The following IL1RAPL1 variants were observed in gnomAD, a reference collection of about 807,000 sequenced individuals.
The protein encoded by IL1RAPL1 is interleukin 1 receptor accessory protein like 1, also known as interleukin-1 receptor accessory protein-like 1.
IL1RAPL1 carries 3 observed loss-of-function variants against 48.4 expected under a neutral mutation model. That is an observed-to-expected ratio of 0.06 (90% CI 0.03 to 0.16). The LOEUF (loss-of-function observed/expected upper bound fraction) is 0.16. Ranked by LOEUF, IL1RAPL1 falls within the 10% of genes least tolerant of loss-of-function variation. The pLI is 1.00. For synonymous variants in IL1RAPL1, 185 were observed against 187.7 expected, an observed-to-expected ratio of 0.99 and a Z score of 0.12; for missense variants, 349 against 530.6, an observed-to-expected ratio of 0.66 and a Z score of 3.36.
chrX:29,460,956 T>A (rs1386212410), intron 5 of IL1RAPL1, among the ~76,000 whole-genome samples: 1 of 111,361 alleles, frequency 9.0e-6, no homozygotes, highest in Non-Finnish European at 1.9e-5. Context: ...ATTAAACACT[T>A]TTTTTTTCTT....
chrX:28,925,918 T>TCA (rs907400523), intron 2 of IL1RAPL1, among the ~76,000 whole-genome samples: 3 of 111,236 alleles, frequency 2.7e-5, no homozygotes, highest in African/African-American at 3.3e-5. Context: ...AGACTCTGTC[T>TCA]CACACACACA....
rs927290849 is a variant in IL1RAPL1, at chrX:29,544,455, G to A, written c.704-123975G>A. ...GTGTGTATCTGTGTGCATATAAATG[G>A]TAGAAGAGATGGCATGGAGCAGTAA... On this transcript the variant is annotated intron_variant, in intron 5 of 10. Transcript: ENST00000378993. Among the ~76,000 whole-genome samples the A allele has an allele frequency of 4.5e-5, 5 of 111,517 alleles. No individual in the cohort carries two copies. In the East Asian group the frequency reaches 1.1e-3, roughly 25 times the overall value.
intron 2 of IL1RAPL1, among the ~76,000 whole-genome samples, chrX:29,013,214 A>T (rs1416641280): frequency 9.5e-6 from 1 of 105,534 alleles, no homozygotes; most frequent in East Asian, 3.0e-4. Flanking sequence ...AAAAAAAAAC[A>T]ATAGATGCTA....
rs192796181 is a variant in IL1RAPL1 at position 29,044,435 on chromosome X, A to G, written c.83-238503A>G. 4.6e-3 allele frequency among the ~76,000 whole-genome samples: 507 copies of G among 109,877 alleles called. 2 individuals are homozygous for G. Among genetic ancestry groups the G allele is most frequent in the Non-Finnish European group, 6.9e-3 (364 of 52,697 alleles). Reference sequence around the variant, plus strand: ...ACAGAGTGAGACTCCGTCTCTAAACAAATAAATAAATAAATAAATAAAAAG... The same window carrying G: ...ACAGAGTGAGACTCCGTCTCTAAACGAATAAATAAATAAATAAATAAAAAG... On this transcript the variant is annotated intron_variant, in intron 2 of 10. Coordinates refer to ENST00000378993, the MANE Select transcript of IL1RAPL1 (RefSeq NM_014271.4).
At chrX:28,871,182 A>C (rs1922199067) in intron 2 of IL1RAPL1, among the ~76,000 whole-genome samples, 1 of 112,180 alleles carries the variant, frequency 8.9e-6, no homozygotes, top group Non-Finnish European at 1.9e-5. Context: ...GATTCTCTTC[A>C]GAGTGAATAG....
chrX:29,419,472 C>CA (rs1319165666), intron 5 of IL1RAPL1, among the ~76,000 whole-genome samples: 1 of 110,238 alleles, frequency 9.1e-6, no homozygotes, highest in Non-Finnish European at 1.9e-5. Context: ...AGGTGCCCAC[C>CA]ACCAGGCCTG....
At chrX:28,649,730 A>G (rs1433660552) in intron 1 of IL1RAPL1, among the ~76,000 whole-genome samples, 3 of 112,461 alleles carry the variant, frequency 2.7e-5, no homozygotes, top group Admixed American at 9.4e-5. Flanking sequence ...ACTCCTTGGC[A>G]GTGATCTGGT....
intron 2 of IL1RAPL1, among the ~76,000 whole-genome samples, chrX:28,832,433 A>C (rs1414771612): frequency 3.6e-5 from 4 of 111,186 alleles, no homozygotes; most frequent in Non-Finnish European, 5.7e-5. Flanking sequence ...CAGTCCCCCA[A>C]ATTCTCTTTT....
At chrX:28,896,495 T>C (rs1369880463) in intron 2 of IL1RAPL1, among the ~76,000 whole-genome samples, 5 of 111,393 alleles carry the variant, frequency 4.5e-5, no homozygotes, top group African/African-American at 1.6e-4. Context: ...GCATTAGCCT[T>C]GACTATGCCT....
chrX:29,535,551 G>T (rs1004428986), intron 5 of IL1RAPL1, among the ~76,000 whole-genome samples: 5 of 111,555 alleles, frequency 4.5e-5, no homozygotes, highest in Non-Finnish European at 9.4e-5. Context: ...GTAAATTGTT[G>T]GAAATTTTCC....
chrX:29,514,687 G>A (rs1007141260), intron 5 of IL1RAPL1, among the ~76,000 whole-genome samples: 2 of 112,541 alleles, frequency 1.8e-5, no homozygotes, highest in Non-Finnish European at 3.8e-5. Context: ...GACCTTGAGT[G>A]ATCCGCCTGC....
At chrX:28,641,062 ATT>A (rs1208619188) in intron 1 of IL1RAPL1, among the ~76,000 whole-genome samples, 2 of 101,437 alleles carry the variant, frequency 2.0e-5, no homozygotes, top group East Asian at 6.2e-4. Flanking sequence ...GAAATGTAGG[ATT>A]TTTTTTTTTT....
chrX:29,715,087 CTGTT>C (rs1927446245), intron 6 of IL1RAPL1, among the ~76,000 whole-genome samples: 1 of 111,641 alleles, frequency 9.0e-6, no homozygotes, highest in African/African-American at 3.2e-5. Flanking sequence ...CTTTTGTTGA[CTGTT>C]TGTTAGAAAA....
chrX:28,822,492 T>A (rs1319801532), intron 2 of IL1RAPL1, among the ~76,000 whole-genome samples: 1 of 111,950 alleles, frequency 8.9e-6, no homozygotes, highest in Non-Finnish European at 1.9e-5. Context: ...ACTGTCTTAT[T>A]CCTGACACAT....
At chrX:29,767,464 T>A (rs913944020) in intron 6 of IL1RAPL1, among the ~76,000 whole-genome samples, 4 of 111,989 alleles carry the variant, frequency 3.6e-5, no homozygotes, top group African/African-American at 1.3e-4. Flanking sequence ...AAGTATAATC[T>A]AAATGGTGAA....
At chrX:29,439,943 G>A (rs1472507048) in intron 5 of IL1RAPL1, among the ~76,000 whole-genome samples, 2 of 92,809 alleles carry the variant, frequency 2.2e-5, no homozygotes, top group African/African-American at 8.4e-5. Flanking sequence ...GCACAGCTAC[G>A]TTAAATATAT....
intron 6 of IL1RAPL1, among the ~76,000 whole-genome samples, chrX:29,768,397 C>T (rs1303971707): frequency 2.7e-5 from 3 of 111,741 alleles, no homozygotes; most frequent in Non-Finnish European, 5.6e-5. Context: ...TGTGTATTAA[C>T]CCAGTGCCCT....
intron 3 of IL1RAPL1, among the ~76,000 whole-genome samples, chrX:29,334,014 G>A (rs1287134996): frequency 7.8e-4 from 53 of 67,788 alleles, no homozygotes; most frequent in African/African-American, 3.4e-3. Context: ...GCGGCTGGCC[G>A]GGCGGGGGGC....
chrX:29,167,489 G>C (rs1019420848), intron 2 of IL1RAPL1, among the ~76,000 whole-genome samples: 1 of 109,681 alleles, frequency 9.1e-6, no homozygotes, highest in African/African-American at 3.3e-5. Flanking sequence ...CTTTTAAATT[G>C]CATTTTATGG....
Sources: allele counts gnomAD v4.1 joint callset (sites outside exome capture counted in the v4.1 genomes callset), GRCh38; gene constraint gnomAD v4.1.1; transcripts MANE v1.5; gene names NCBI Gene and HGNC (gene_info 2026-07-23, HGNC 2026-07-21).